SDCCAG8: variants seen among roughly 807,000 people sequenced by gnomAD.
SDCCAG8 encodes serologically defined colon cancer antigen 8.
SDCCAG8 carries 74 observed loss-of-function variants against 101.8 expected under a neutral mutation model. That is an observed-to-expected ratio of 0.73 (90% CI 0.60 to 0.88). The LOEUF (loss-of-function observed/expected upper bound fraction) is 0.88. SDCCAG8 is among the 40% of genes least tolerant of loss of function. The probability of loss-of-function intolerance (pLI) is 0.00; values close to 1 mark genes in which losing one functional copy is unlikely to be tolerated. For missense variants in SDCCAG8, 787 were observed against 822.6 expected (o/e 0.96, Z 0.53); for synonymous variants, 281 against 292.9 (o/e 0.96, Z 0.41).
chr1:243,278,043 G>C (rs914506140), intron 4 of SDCCAG8, among the ~76,000 whole-genome samples: 7 of 152,164 alleles, frequency 4.6e-5, no homozygotes, highest in African/African-American at 1.7e-4. Context: ...ATAGGATTTG[G>C]ATTGGAATTG....
intron 9 of SDCCAG8, among the ~76,000 whole-genome samples, chr1:243,323,957 CA>C (rs1364949652): frequency 3.9e-5 from 6 of 152,176 alleles, no homozygotes; most frequent in Admixed American, 2.0e-4. Context: ...TTGGTTTCCA[CA>C]AGTCTTAAGT....
intron 5 of SDCCAG8, among the ~76,000 whole-genome samples, chr1:243,288,184 G>A (rs1315923531): frequency 6.6e-6 from 1 of 152,088 alleles, no homozygotes; most frequent in African/African-American, 2.4e-5. Context: ...ATATTTCAAG[G>A]CCAGATACAG....
At position 243,264,916 on chromosome 1, in the gene SDCCAG8, CTCT is replaced by C. The variant is rs1248074366; in HGVS notation, c.68-5188_68-5186del. ...GGAGAGAAGAGGAAATGAGTGTGTTCTCTCTCTTGGTTAGAAACAGATAAAGCT... is the reference window on the plus strand; with the variant it reads ...GGAGAGAAGAGGAAATGAGTGTGTTCCTCTTGGTTAGAAACAGATAAAGCT... On this transcript the variant is annotated intron_variant, in intron 1 of 17. Coordinates refer to ENST00000366541, the MANE Select transcript of SDCCAG8 (RefSeq NM_006642.5). Among the ~76,000 whole-genome samples the C allele has an allele frequency of 3.3e-5, 5 of 152,140 alleles. No individual in the cohort carries two copies. In the East Asian group the frequency reaches 9.6e-4, roughly 29 times the overall value.
In SDCCAG8 at chr1:243,286,350, CAA is replaced by C; in HGVS notation, c.501_502del (p.Arg168ThrfsTer26). 1 of 1,613,998 alleles carries C rather than the reference CAA, an allele frequency of 6.2e-7. No homozygotes were observed. Among genetic ancestry groups the C allele is most frequent in the Non-Finnish European group, 8.5e-7 (1 of 1,179,860 alleles). ...NEGLQQQLKS[Q>X]RQEETLREQT... ...AGGGCTCCAGCAACAGCTAAAATCT[CAA>C]AGACAAGAGGAGACACTGAGGGAAC... On this transcript the variant is annotated frameshift_variant, in exon 5 of 18. Coordinates refer to ENST00000366541, the MANE Select transcript of SDCCAG8 (RefSeq NM_006642.5). LOFTEE classifies it high-confidence loss of function.
intron 16 of SDCCAG8, among the ~76,000 whole-genome samples, chr1:243,451,400 C>T (rs754219857): frequency 1.3e-5 from 2 of 152,152 alleles, no homozygotes; most frequent in African/African-American, 2.4e-5. Flanking sequence ...GGTGCATTCC[C>T]AACTTGGAAC....
intron 10 of SDCCAG8, among the ~76,000 whole-genome samples, chr1:243,334,112 A>C (rs1427687077): frequency 6.6e-6 from 1 of 152,070 alleles, no homozygotes; most frequent in Non-Finnish European, 1.5e-5. Context: ...ACATCTCATC[A>C]TCACCAGGCT....
chr1:243,401,228 T>C (rs1007389275), intron 13 of SDCCAG8, among the ~76,000 whole-genome samples: 1 of 152,204 alleles, frequency 6.6e-6, no homozygotes, highest in African/African-American at 2.4e-5. Flanking sequence ...CTTCAATAAA[T>C]CAACTCCAGC....
chr1:243,278,023 T>C (rs989015781), intron 4 of SDCCAG8, among the ~76,000 whole-genome samples: 2 of 152,202 alleles, frequency 1.3e-5, no homozygotes, highest in African/African-American at 4.8e-5. Context: ...AGTTTGTCGA[T>C]ATCCACAAAA....
At chr1:243,498,752 T>C (rs9428577) in intron 17 of SDCCAG8, among the ~76,000 whole-genome samples, 8,848 of 152,322 alleles carry the variant, frequency 0.058, 842 homozygotes, top group African/African-American at 0.2. Context: ...ATTAGGTTGA[T>C]AGAGTCCTCC....
intron 12 of SDCCAG8, among the ~76,000 whole-genome samples, chr1:243,372,432 T>C (rs1440645831): frequency 6.6e-6 from 1 of 152,110 alleles, no homozygotes; most frequent in Non-Finnish European, 1.5e-5. Context: ...TTATAGTTTA[T>C]GCTTCTTTTT....
chr1:243,352,068 A>G (rs1046593499), intron 12 of SDCCAG8, among the ~76,000 whole-genome samples: 5 of 152,240 alleles, frequency 3.3e-5, no homozygotes, highest in African/African-American at 1.2e-4. Context: ...GCTCAAAAAA[A>G]GAATCTATTA....
At chr1:243,293,429 G>A (rs771220929) in intron 6 of SDCCAG8, 1 of 687,314 alleles carries the variant, frequency 1.5e-6, no homozygotes, top group Non-Finnish European at 2.6e-6. Flanking sequence ...CAAAAAGTCT[G>A]GACGTATTAA....
rs888260886 is a variant in SDCCAG8 at position 243,309,675 on chromosome 1, T to A, written c.929+1498T>A. On this transcript the variant is annotated intron_variant, in intron 8 of 17. Coordinates refer to ENST00000366541, the MANE Select transcript of SDCCAG8 (RefSeq NM_006642.5). ...CGCCACACCCAGCTAATTAAAAAAA[T>A]TTTTTTTGGTAGAGATGGGGTCTCA... Among the ~76,000 whole-genome samples the A allele has an allele frequency of 7.9e-5, 12 of 152,110 alleles. 1 individual carries two copies. The highest frequency in any genetic ancestry group is 4.2e-4 in the South Asian group (2 of 4,818).
At chr1:243,406,732 A>G (rs1474531577) in intron 13 of SDCCAG8, among the ~76,000 whole-genome samples, 2 of 151,808 alleles carry the variant, frequency 1.3e-5, no homozygotes, top group Non-Finnish European at 2.9e-5. Context: ...CCCTCCACCA[A>G]CTGTGCGCTG....
chr1:243,307,832 T>G, intron 7 of SDCCAG8, 157 bp from the exon 8 acceptor site: 1 of 1,473,712 alleles, frequency 6.8e-7, no homozygotes, highest in Admixed American at 2.5e-5. Flanking sequence ...CACCAAAGTT[T>G]CAGGGTCGTG....
chr1:243,462,419 G>A (rs1232608144), intron 16 of SDCCAG8, among the ~76,000 whole-genome samples: 1 of 152,242 alleles, frequency 6.6e-6, no homozygotes, highest in Admixed American at 6.5e-5. Context: ...CTGTGTGGCT[G>A]TGAAGGTAAG....
chr1:243,436,589 T>G (rs1484481269), intron 16 of SDCCAG8, among the ~76,000 whole-genome samples: 1 of 152,212 alleles, frequency 6.6e-6, no homozygotes, highest in African/African-American at 2.4e-5. Context: ...TAATTGTAAC[T>G]TCATTAAGTC....
chr1:243,356,404 A>C (rs2076380717), intron 12 of SDCCAG8, among the ~76,000 whole-genome samples: 1 of 116,146 alleles, frequency 8.6e-6, no homozygotes. Context: ...ACAAGAAGAG[A>C]AAAGAAAAGT....
At chr1:243,344,030 T>C (rs537984438) in intron 11 of SDCCAG8, among the ~76,000 whole-genome samples, 185 bp from the exon 12 acceptor site, 1 of 152,352 alleles carries the variant, frequency 6.6e-6, no homozygotes, top group East Asian at 1.9e-4. Context: ...TTAGAATCAA[T>C]AATCCCTGGT....
Sources: gnomAD v4.1 joint callset for allele counts (sites outside exome capture counted in the v4.1 genomes callset) on GRCh38, gnomAD v4.1.1 for gene constraint, MANE v1.5 for transcripts, NCBI Gene and HGNC (gene_info 2026-07-23, HGNC 2026-07-21) for gene names.